SP110: variants seen among roughly 807,000 people sequenced by gnomAD.
The protein encoded by SP110 is SP110 nuclear body protein.
In SP110, 62 loss-of-function variants were observed where a neutral mutation model predicts 92.7. The ratio of observed to expected loss-of-function variants is 0.67; its 90% CI spans 0.55 to 0.83. The LOEUF (loss-of-function observed/expected upper bound fraction) is 0.83, where lower values mean the gene tolerates loss of function less well. SP110 is among the 40% of genes least tolerant of loss of function. SP110 has a pLI of 0.00. For synonymous variants in SP110, 273 were observed against 305.3 expected (o/e 0.89, Z 1.10); for missense variants, 793 against 863.9 (o/e 0.92, Z 1.03).
chr2:230,202,570 C>G lies in SP110; in HGVS notation c.1048+9G>C. On this transcript the variant is annotated intron_variant, in intron 9 of 18. Transcript: ENST00000258381. ...CCATTCAAATGGCAGATTCCATCAT[C>G]AGCCTTACCCTCTGATCTCGACTTT... 6.2e-7 allele frequency: 1 copy of G among 1,613,806 alleles called. No homozygotes were observed. The highest frequency in any genetic ancestry group is 1.1e-5 in the South Asian group (1 of 91,080).
At chr2:230,214,039 A>C (rs982432401) in intron 3 of SP110, 1 of 152,210 alleles carries the variant, frequency 6.6e-6, no homozygotes, top group Non-Finnish European at 1.5e-5. Context: ...GAAAATATCC[A>C]ATGTGAGCTG....
At chr2:230,220,147 T>C, upstream of SP110, 1 of 914,724 alleles carries the variant, frequency 1.1e-6, no homozygotes. Context: ...AGTTGGGGTT[T>C]GGGGGAGGGC....
Position 230,173,047 on chromosome 2 carries a change from T to C in SP110, c.1591-88A>G. On this transcript the variant is annotated intron_variant, in intron 14 of 18. Coordinates refer to ENST00000258381, the MANE Select transcript of SP110 (RefSeq NM_080424.4). The stretch of plus-strand genomic sequence containing the variant: ...GGGGTTCTAGAACACATCATTTTTG[T>C]GTGTGCCAGAGTGGATATCCAAACC... The C allele has an allele frequency of 1.2e-5, 11 of 909,824 alleles. No homozygotes were observed. The Middle Eastern group carries it at 1.5e-3, about 123-fold the overall frequency. The allele number at this position is 909,824 out of a possible 1,614,324, so 56.4% of individuals were successfully genotyped here. A position where few individuals can be genotyped will look rare whatever the true frequency, so the allele number is the denominator to read the frequency against.
intron 10 of SP110, among the ~76,000 whole-genome samples, chr2:230,194,420 C>G (rs1423415041): frequency 6.6e-6 from 1 of 151,068 alleles, no homozygotes; most frequent in African/African-American, 2.4e-5. Context: ...GACAACATAG[C>G]AAGACCTGGT....
intron 3 of SP110, among the ~76,000 whole-genome samples, chr2:230,214,729 C>T (rs568861610): frequency 2.6e-5 from 4 of 152,212 alleles, no homozygotes; most frequent in African/African-American, 9.6e-5. Flanking sequence ...TCATAGAACA[C>T]ATAAGAAATG....
chr2:230,180,563 A>T (rs1168968553), intron 12 of SP110, among the ~76,000 whole-genome samples: 1 of 152,186 alleles, frequency 6.6e-6, no homozygotes, highest in Non-Finnish European at 1.5e-5. Context: ...CATTTTATAG[A>T]TGAGGGACTT....
chr2:230,178,363 C>T (rs2041961932), intron 12 of SP110, 108 bp from the exon 13 acceptor site: 1 of 721,134 alleles, frequency 1.4e-6, no homozygotes, highest in South Asian at 1.5e-5. Flanking sequence ...GGGGAACGTT[C>T]TCTGGTTAGT....
intron 14 of SP110, chr2:230,177,282 A>C: frequency 6.1e-6 from 3 of 488,592 alleles, no homozygotes; most frequent in Non-Finnish European, 3.7e-6. Flanking sequence ...AGGTTCTTAC[A>C]TCTCTCTTCA....
In SP110 at chr2:230,216,947, TA is replaced by T; in HGVS notation, c.-1-20del. ...GAACATCCTATGGAAAGAGGCATGA[TA>T]AAAAATAGAAGCAAAGGCTGGGCGC... is the stretch of plus-strand genomic sequence containing the variant. On this transcript the variant is annotated intron_variant, in intron 1 of 18. Coordinates refer to ENST00000258381, the MANE Select transcript of SP110 (RefSeq NM_080424.4). 1 of 1,611,176 alleles carries T rather than the reference TA, an allele frequency of 6.2e-7. No individual in the cohort carries two copies. The highest frequency in any genetic ancestry group is 8.5e-7 in the Non-Finnish European group (1 of 1,179,052).
intron 10 of SP110, among the ~76,000 whole-genome samples, chr2:230,187,324 T>C (rs1403932405): frequency 2.0e-5 from 3 of 152,180 alleles, no homozygotes; most frequent in African/African-American, 7.2e-5. Flanking sequence ...TCTATTAATG[T>C]CATTTGCCCA....
chr2:230,186,915 T>G (rs1456934586), intron 10 of SP110, among the ~76,000 whole-genome samples: 1 of 152,248 alleles, frequency 6.6e-6, no homozygotes, highest in African/African-American at 2.4e-5. Context: ...CAATGGGCAC[T>G]GAGGTTGGTT....
At chr2:230,170,876 A>T in intron 17 of SP110, 115 bp from the exon 18 acceptor site, 1 of 1,074,558 alleles carries the variant, frequency 9.3e-7, no homozygotes, top group Non-Finnish European at 1.4e-6. Context: ...ATACCATTTG[A>T]CCTCTTTAAG....
rs1285614259 is a variant in SP110 at position 230,212,857 on chromosome 2, A to G, written c.487T>C (p.Ser163Pro). The change falls in exon 4 of 19, where the codon TCC becomes CCC. Residue 163 changes from serine (S) to proline (P), a missense_variant. Transcript: ENST00000258381. ...CTCAGGATCTCATCGCTTTGCTGGG[A>G]GGATGTTCCAGGCTCACTGACTCTT... ...APRVSEPGTS[S>P]QQSDEILSES... The G allele has an allele frequency of 1.2e-6, 2 of 1,613,854 alleles. No homozygotes were observed. The highest frequency in any genetic ancestry group is 2.7e-5 in the African/African-American group (2 of 74,830).
At position 230,213,014 on chromosome 2, in the gene SP110, A is replaced by G; in HGVS notation, c.330T>C (p.Tyr110=). 1 of 1,614,032 alleles carries G rather than the reference A, an allele frequency of 6.2e-7. No individual in the cohort carries two copies. Among genetic ancestry groups the G allele is most frequent in the Non-Finnish European group, 8.5e-7 (1 of 1,179,986 alleles). Residue 110 remains tyrosine, a synonymous_variant, in exon 4 of 19, where the codon TAT becomes TAC. Transcript: ENST00000258381. ...YRSFKRVGAS[Y]EWQSRDTPIL... The stretch of plus-strand genomic sequence containing the variant: ...TTGGTGTGTCTCTGCTCTGCCATTC[A>G]TAGGAAGCACCAACTGGGATTGGTG...
In SP110 at chr2:230,171,848, G is replaced by A. The variant is rs115377952; in HGVS notation, c.1816-81C>T. On this transcript the variant is annotated intron_variant, in intron 16 of 18. Coordinates refer to ENST00000258381, the MANE Select transcript of SP110 (RefSeq NM_080424.4). ...AGGCGAGTGTCTAGACATGCACACG[G>A]ATGGGGCAGCCAAGCCCAGTCAGCA... 1.2e-3 allele frequency: 1,348 copies of A among 1,111,852 alleles called. 10 individuals carry two copies. The African/African-American group carries it at 0.018, about 15-fold the overall frequency. 68.9% of individuals were successfully genotyped at this position (1,111,852 alleles called of 1,614,324 possible). A position where few individuals can be genotyped will look rare whatever the true frequency, so the allele number is the denominator to read the frequency against.
chr2:230,225,544 A>G (rs1559198706), exon 1 of SP110: 3 of 461,242 alleles, frequency 6.5e-6, no homozygotes, highest in Admixed American at 3.4e-5. Context: ...CCTCAAAACA[A>G]CTTTGATCTG....
chr2:230,175,006 T>A (rs1348706974), intron 14 of SP110, among the ~76,000 whole-genome samples: 1 of 152,196 alleles, frequency 6.6e-6, no homozygotes, highest in East Asian at 1.9e-4. Context: ...GGTATTACCA[T>A]GTTGGGGCTA....
chr2:230,186,271 C>T, intron 10 of SP110, 128 bp from the exon 11 acceptor site: 1 of 879,484 alleles, frequency 1.1e-6, no homozygotes, highest in Non-Finnish European at 1.8e-6. Context: ...TTTCTTCCCC[C>T]CAGACTCATA....
intron 10 of SP110, among the ~76,000 whole-genome samples, chr2:230,196,278 A>G (rs2042866123): frequency 6.6e-6 from 1 of 152,186 alleles, no homozygotes; most frequent in Admixed American, 6.5e-5. Flanking sequence ...TTCTATTTTC[A>G]TATAAAAATA....
Sources: gnomAD v4.1 joint callset for allele counts (sites outside exome capture counted in the v4.1 genomes callset) on GRCh38, gnomAD v4.1.1 for gene constraint, MANE v1.5 for transcripts, NCBI Gene and HGNC (gene_info 2026-07-23, HGNC 2026-07-21) for gene names.